MTG2: variants seen among roughly 807,000 people sequenced by gnomAD.
MTG2 encodes mitochondrial ribosome associated GTPase 2, also known as mitochondrial ribosome-associated GTPase 2.
MTG2 carries 23 observed loss-of-function variants against 28.6 expected under a neutral mutation model. The observed-to-expected ratio is 0.80, with a 90% CI of 0.58 to 1.14. MTG2 has a LOEUF of 1.14. MTG2 is among the 50% of genes most tolerant of loss of function. The probability of loss-of-function intolerance (pLI) is 0.00; values close to 1 mark genes in which losing one functional copy is unlikely to be tolerated. For missense variants in MTG2, 539 were observed against 552.0 expected, an observed-to-expected ratio of 0.98 and a Z score of 0.24; for synonymous variants, 260 against 251.8, an observed-to-expected ratio of 1.03 and a Z score of -0.31.
chr20:62,190,348 C>G lies in MTG2; in HGVS notation c.-5-3068C>G, dbSNP rs144200720. Among the ~76,000 whole-genome samples the G allele has an allele frequency of 7.0e-4, 106 of 152,324 alleles. 1 individual carries two copies. In the East Asian group the frequency reaches 0.015, roughly 22 times the overall value. The stretch of plus-strand genomic sequence containing the variant: ...TACGCAGTATTTTTTTGTCTACAGT[C>G]TTACATATTTAAGAACTCCTAAGAG... On this transcript the variant is annotated intron_variant, in intron 1 of 6. Transcript: ENST00000370823.
chr20:62,190,186 T>C (rs927943225), intron 1 of MTG2, among the ~76,000 whole-genome samples: 2 of 152,192 alleles, frequency 1.3e-5, no homozygotes, highest in African/African-American at 4.8e-5. Flanking sequence ...CTGTTAGCCT[T>C]CACTGTCTGC....
At chr20:62,198,610 T>C in intron 4 of MTG2, 24 bp from the exon 5 acceptor site, 1 of 1,610,178 alleles carries the variant, frequency 6.2e-7, no homozygotes, top group Non-Finnish European at 8.5e-7. Context: ...AGAGCTCAGC[T>C]GATGAGTGCC....
At chr20:62,185,464 T>C (rs1284063166) in intron 1 of MTG2, among the ~76,000 whole-genome samples, 1 of 151,956 alleles carries the variant, frequency 6.6e-6, no homozygotes, top group Non-Finnish European at 1.5e-5. Context: ...TACATATATA[T>C]ACATGTATAT....
intron 2 of MTG2, among the ~76,000 whole-genome samples, chr20:62,195,372 C>T (rs2058040185): frequency 1.3e-5 from 2 of 152,194 alleles, no homozygotes; most frequent in Admixed American, 1.3e-4. Flanking sequence ...CTATCGCATC[C>T]TGGGAAACTA....
intron 1 of MTG2, among the ~76,000 whole-genome samples, chr20:62,192,283 A>G (rs2057975268): frequency 1.3e-5 from 2 of 152,122 alleles, no homozygotes; most frequent in East Asian, 3.9e-4. Flanking sequence ...GGCTCACAGA[A>G]CTCAGGAAGG....
At chr20:62,185,635 T>G (rs138825053) in intron 1 of MTG2, among the ~76,000 whole-genome samples, 55 of 152,134 alleles carry the variant, frequency 3.6e-4, no homozygotes, top group African/African-American at 1.3e-3. Context: ...AGTGAGACTC[T>G]TGTCTCAAAA....
At chr20:62,195,037 A>G (rs1023630468) in intron 2 of MTG2, among the ~76,000 whole-genome samples, 1 of 152,222 alleles carries the variant, frequency 6.6e-6, no homozygotes, top group Non-Finnish European at 1.5e-5. Flanking sequence ...TCTACTAAAA[A>G]TACAAAAAAC....
intron 1 of MTG2, among the ~76,000 whole-genome samples, chr20:62,188,439 TC>T (rs2145832467): frequency 6.6e-6 from 1 of 150,730 alleles, no homozygotes; most frequent in South Asian, 2.1e-4. Context: ...GCTTAAGTGA[TC>T]CTCCCACCTT....
rs2058087339 is a variant in MTG2 at position 62,197,839 on chromosome 20, G to A, written c.353-13G>A. ...GTAACACAAAGGGACTGAGATTCTT[G>A]TTCTTGCTTTAGTTGACCAGCAAGT... On this transcript the variant is annotated splice_polypyrimidine_tract_variant and intron_variant, in intron 3 of 6. Coordinates refer to ENST00000370823, the MANE Select transcript of MTG2 (RefSeq NM_015666.4). 2.5e-6 allele frequency: 4 copies of A among 1,611,620 alleles called. No individual in the cohort carries two copies. In the South Asian group the frequency reaches 4.4e-5, roughly 18 times the overall value.
At position 62,201,832 on chromosome 20, in the gene MTG2, C is replaced by T. The variant is rs80174504; in HGVS notation, c.*755C>T. 859 of 152,524 alleles carry T rather than the reference C, an allele frequency of 5.6e-3. 4 individuals are homozygous for T. The highest frequency in any genetic ancestry group is 8.7e-3 in the Non-Finnish European group (594 of 68,194). 9.4% of individuals were successfully genotyped at this position (152,524 alleles called of 1,614,324 possible). ...GGCTGCGTGTTTCTGGCTGGGCTGC[C>T]GTGTGCACAGCAAGTTAACTAGAGG... On this transcript the variant is annotated 3_prime_UTR_variant, in exon 7 of 7. Transcript: ENST00000370823.
rs1443739326 is a variant in MTG2, at chr20:62,201,159, C to T, written c.*82C>T. 5 of 1,435,578 alleles carry T rather than the reference C, an allele frequency of 3.5e-6. No individual in the cohort carries two copies. Among genetic ancestry groups the T allele is most frequent in the Admixed American group, 5.2e-5 (2 of 38,114 alleles). The allele number at this position is 1,435,578 out of a possible 1,614,324, so 88.9% of individuals were successfully genotyped here. ...TCGGTGGTTTTGAATGCATAAAGTGCCTTGTGGACACGGGGGAGTTGTGGT... is the reference window on the plus strand; with the variant it reads ...TCGGTGGTTTTGAATGCATAAAGTGTCTTGTGGACACGGGGGAGTTGTGGT... On this transcript the variant is annotated 3_prime_UTR_variant, in exon 7 of 7. Coordinates refer to ENST00000370823, the MANE Select transcript of MTG2 (RefSeq NM_015666.4).
chr20:62,197,963 T>G lies in MTG2; in HGVS notation c.464T>G (p.Ile155Ser), dbSNP rs903266451. The part of the protein sequence containing the change: ...CFGRSGAVLY[I>S]RVPVGTLVKE... ...GGGCGCAGTGGCGCCGTCCTCTACA[T>G]CCGGGTGAGCCGAGACTGCCGGACC... The change falls in exon 4 of 7, where the codon ATC (isoleucine) becomes AGC (serine). Residue 155 changes from isoleucine to serine, a missense_variant. Coordinates refer to ENST00000370823, the MANE Select transcript of MTG2 (RefSeq NM_015666.4). 1 of 1,613,606 alleles carries G rather than the reference T, an allele frequency of 6.2e-7. No individual in the cohort carries two copies. Among genetic ancestry groups the G allele is most frequent in the Non-Finnish European group, 8.5e-7 (1 of 1,179,656 alleles).
In MTG2 at chr20:62,200,847, T is replaced by C. The variant is rs1222387590; in HGVS notation, c.991T>C (p.Tyr331His). 3 of 1,613,954 alleles carry C rather than the reference T, an allele frequency of 1.9e-6. No individual in the cohort carries two copies. The highest frequency in any genetic ancestry group is 1.7e-6 in the Non-Finnish European group (2 of 1,180,036). The change falls in exon 7 of 7, where the codon TAT becomes CAT. Residue 331 changes from tyrosine (Y) to histidine (H), a missense_variant. Tyr to His is a moderately conservative substitution (Grantham distance 83, BLOSUM62 2). Coordinates refer to ENST00000370823, the MANE Select transcript of MTG2 (RefSeq NM_015666.4). Reference sequence around the variant, plus strand: ...CGATTTAAAATATGAACTGGAGATGTATGAAAAGGGCCTGTCTGCGAGGCC... The same window carrying C: ...CGATTTAAAATATGAACTGGAGATGCATGAAAAGGGCCTGTCTGCGAGGCC... ...VDDLKYELEM[Y>H]EKGLSARPHA...
intron 1 of MTG2, among the ~76,000 whole-genome samples, chr20:62,185,398 C>G (rs942926842): frequency 6.7e-6 from 1 of 149,124 alleles, no homozygotes; most frequent in African/African-American, 2.5e-5. Flanking sequence ...GGCGACAGAG[C>G]GAGACTGTCT....
Position 62,193,434 on chromosome 20 carries a change from G to C in MTG2, c.14G>C (p.Arg5Thr). Residue 5 changes from arginine (R) to threonine (T), a missense_variant, in exon 2 of 7, where the codon AGG becomes ACG. Arg to Thr is a moderately conservative substitution (Grantham distance 71, BLOSUM62 -1). Transcript: ENST00000370823. MAPA[R>T]CFSARLRTVF... ...TCTGTAGGGGCCATGGCACCTGCAA[G>C]GTGTTTCTCAGCAAGATTGAGGACC... 6.2e-7 allele frequency: 1 copy of C among 1,614,224 alleles called. No homozygotes were observed. Among genetic ancestry groups the C allele is most frequent in the Non-Finnish European group, 8.5e-7 (1 of 1,180,024 alleles).
At position 62,193,634 on chromosome 20, in the gene MTG2, C is replaced by G; in HGVS notation, c.204+10C>G. On this transcript the variant is annotated intron_variant, in intron 2 of 6. Transcript: ENST00000370823. ...CTCTGAGAAAAAGCTGGTGAGACTCCTGGAGTTAGAGCAGCTTGCCTGTCT... is the reference window on the plus strand; with the variant it reads ...CTCTGAGAAAAAGCTGGTGAGACTCGTGGAGTTAGAGCAGCTTGCCTGTCT... 6.2e-7 allele frequency: 1 copy of G among 1,603,204 alleles called. No individual in the cohort carries two copies.
chr20:62,199,411 C>CTTTTTTAAT, intron 6 of MTG2, 154 bp downstream of exon 6: 26 of 865,392 alleles, frequency 3.0e-5, no homozygotes, highest in South Asian at 9.1e-5. Flanking sequence ...TTTGGGAGGC[C>CTTTTTTAAT]GAGGCAGGCG....
At chr20:62,198,272 G>A (rs1196609683) in intron 4 of MTG2, 11 of 516,594 alleles carry the variant, frequency 2.1e-5, no homozygotes, top group East Asian at 3.4e-5. Context: ...CCCATGAGCC[G>A]ACCTCTGACT....
In MTG2 at chr20:62,199,153, T is replaced by C; in HGVS notation, c.722T>C (p.Leu241Pro). The C allele has an allele frequency of 1.9e-6, 3 of 1,614,114 alleles. No individual in the cohort carries two copies. Among genetic ancestry groups the C allele is most frequent in the Non-Finnish European group, 2.5e-6 (3 of 1,180,022 alleles). The change falls in exon 6 of 7, where the codon CTC becomes CCC. Residue 241 changes from leucine (L) to proline (P), a missense_variant. By Grantham distance (98) the Leu-to-Pro change is moderately conservative. Transcript: ENST00000370823. ...GFPNAGKSSL[L>P]RAISNARPAV... ...CCCAACGCCGGGAAGTCCTCACTGC[T>C]CCGGGCCATTTCAAACGCCAGACCC...
Sources: allele counts gnomAD v4.1 joint callset (sites outside exome capture counted in the v4.1 genomes callset), GRCh38; gene constraint gnomAD v4.1.1; transcripts MANE v1.5; gene names NCBI Gene and HGNC (gene_info 2026-07-23, HGNC 2026-07-21).